SCAPER: variants seen among roughly 807,000 people sequenced by gnomAD.
The protein encoded by SCAPER is S-phase cyclin A associated protein in the ER, also known as S phase cyclin A-associated protein in the endoplasmic reticulum.
In SCAPER, 98 loss-of-function variants were observed where a neutral mutation model predicts 182.2. That is an observed-to-expected ratio of 0.54 (90% CI 0.46 to 0.64). The LOEUF is 0.64. Among genes scored for constraint, SCAPER ranks in the 30% least tolerant of loss-of-function variants. SCAPER has a pLI of 0.00. For missense variants in SCAPER, 1,432 were observed against 1,690.0 expected (o/e 0.85, Z 2.68); for synonymous variants, 605 against 564.6 (o/e 1.07, Z -1.01).
At chr15:76,374,670 G>A (rs1414931204) in intron 29 of SCAPER, among the ~76,000 whole-genome samples, 1 of 151,520 alleles carries the variant, frequency 6.6e-6, no homozygotes, top group Admixed American at 6.6e-5. Context: ...TAGTAGAGAC[G>A]GGGTTTCTTC....
chr15:76,724,376 A>T (rs2060460945), intron 17 of SCAPER, among the ~76,000 whole-genome samples: 1 of 151,996 alleles, frequency 6.6e-6, no homozygotes, highest in Admixed American at 6.6e-5. Flanking sequence ...CTTCATTTCA[A>T]CTTCGGTGAA....
chr15:76,486,260 C>A (rs1237214537), intron 24 of SCAPER, among the ~76,000 whole-genome samples: 1 of 151,980 alleles, frequency 6.6e-6, no homozygotes, highest in African/African-American at 2.4e-5. Flanking sequence ...CTATAAAGAA[C>A]TCTGGAAGAC....
At chr15:76,812,673 T>C (rs990793012) in intron 5 of SCAPER, among the ~76,000 whole-genome samples, 5 of 152,090 alleles carry the variant, frequency 3.3e-5, no homozygotes, top group South Asian at 4.1e-4. Context: ...TGAACAATTA[T>C]ATACCAATAC....
intron 17 of SCAPER, among the ~76,000 whole-genome samples, chr15:76,727,889 A>C (rs1339131715): frequency 6.6e-6 from 1 of 152,080 alleles, no homozygotes; most frequent in Non-Finnish European, 1.5e-5. Context: ...ATGAACAAAA[A>C]TTTGAATAGG....
intron 8 of SCAPER, among the ~76,000 whole-genome samples, chr15:76,786,318 C>T (rs1450855017): frequency 9.2e-6 from 1 of 108,202 alleles, no homozygotes; most frequent in African/African-American, 3.2e-5. Context: ...CAGGGCAAGA[C>T]TCTGTCTCAA....
At chr15:76,780,245 G>A (rs1030372771) in intron 8 of SCAPER, among the ~76,000 whole-genome samples, 10 of 152,260 alleles carry the variant, frequency 6.6e-5, no homozygotes, top group Non-Finnish European at 1.5e-4. Flanking sequence ...TGGCTCAGCA[G>A]GTCTCACGCC....
chr15:76,731,048 G>A (rs900910671), intron 16 of SCAPER, among the ~76,000 whole-genome samples: 5 of 152,104 alleles, frequency 3.3e-5, no homozygotes, highest in African/African-American at 7.2e-5. Flanking sequence ...TTAAATTCCC[G>A]AAAGACAGGA....
At chr15:76,650,891 G>A (rs1357782959) in intron 21 of SCAPER, among the ~76,000 whole-genome samples, 1 of 151,848 alleles carries the variant, frequency 6.6e-6, no homozygotes, top group African/African-American at 2.4e-5. Flanking sequence ...TCAAATGTTT[G>A]GAAATTCAAC....
chr15:76,710,531 T>A (rs1253151493), intron 17 of SCAPER, among the ~76,000 whole-genome samples: 3 of 152,076 alleles, frequency 2.0e-5, no homozygotes, highest in Non-Finnish European at 4.4e-5. Context: ...AACAATTCCA[T>A]TTACAGCAGC....
intron 21 of SCAPER, among the ~76,000 whole-genome samples, chr15:76,632,445 G>C (rs1333049841): frequency 2.0e-5 from 3 of 151,966 alleles, no homozygotes; most frequent in East Asian, 3.9e-4. Flanking sequence ...CACCCACCTC[G>C]GTCTCCCAAA....
rs569769271 is a variant in SCAPER at position 76,699,773 on chromosome 15, T to C, written c.2508+1985A>G. On this transcript the variant is annotated intron_variant, in intron 20 of 31. Transcript: ENST00000563290. Reference sequence around the variant, plus strand: ...CGCTGGCAAAATCACTTCATCAACATGGTGGTATCAGGTTCAAGTGCACAG... The same window carrying C: ...CGCTGGCAAAATCACTTCATCAACACGGTGGTATCAGGTTCAAGTGCACAG... Among the ~76,000 whole-genome samples, 17 of 152,304 alleles carry C rather than the reference T, an allele frequency of 1.1e-4. No homozygotes were observed. The East Asian group carries it at 3.1e-3, about 28-fold the overall frequency.
intron 23 of SCAPER, among the ~76,000 whole-genome samples, chr15:76,565,744 A>T (rs968918616): frequency 3.9e-5 from 6 of 152,124 alleles, no homozygotes; most frequent in African/African-American, 1.4e-4. Flanking sequence ...ACCATTTATA[A>T]GTTAAATCTG....
chr15:76,776,809 G>T (rs2063772423), intron 8 of SCAPER, among the ~76,000 whole-genome samples: 4 of 152,098 alleles, frequency 2.6e-5, no homozygotes, highest in Non-Finnish European at 5.9e-5. Flanking sequence ...TGCTGCAAAG[G>T]TATCACAAGA....
intron 24 of SCAPER, among the ~76,000 whole-genome samples, chr15:76,490,263 AGT>A (rs984116580): frequency 6.6e-6 from 1 of 152,192 alleles, no homozygotes; most frequent in African/African-American, 2.4e-5. Flanking sequence ...TCCAACGAAG[AGT>A]GTACAAGGGT....
At chr15:76,791,726 T>A (rs1289414644) in intron 8 of SCAPER, among the ~76,000 whole-genome samples, 1 of 151,916 alleles carries the variant, frequency 6.6e-6, no homozygotes, top group Non-Finnish European at 1.5e-5. Flanking sequence ...GAGAAGCTAA[T>A]GAGCTAAGCT....
intron 20 of SCAPER, among the ~76,000 whole-genome samples, chr15:76,699,304 A>G (rs1215243144): frequency 2.6e-5 from 4 of 152,104 alleles, no homozygotes; most frequent in African/African-American, 7.2e-5. Flanking sequence ...ACTATGTTGA[A>G]TAGGAGTGGC....
intron 29 of SCAPER, among the ~76,000 whole-genome samples, chr15:76,362,415 C>CT (rs539666470): frequency 2.7e-3 from 393 of 143,386 alleles, no homozygotes; most frequent in African/African-American, 4.4e-3. Flanking sequence ...CTTGCTCCCT[C>CT]TTTTTTTTTT....
chr15:76,363,702 C>T lies in SCAPER; in HGVS notation c.3856-9562G>A, dbSNP rs75185533. On this transcript the variant is annotated intron_variant, in intron 29 of 31. Transcript: ENST00000563290. ...ACAGGGGCAAAAATAGGTGTCTAGACATCTAAATTCATTAAAAAAGACAGC... is the reference window on the plus strand; with the variant it reads ...ACAGGGGCAAAAATAGGTGTCTAGATATCTAAATTCATTAAAAAAGACAGC... 4.0e-4 allele frequency among the ~76,000 whole-genome samples: 61 copies of T among 152,256 alleles called. No individual in the cohort carries two copies. In the East Asian group the frequency reaches 9.1e-3, roughly 23 times the overall value.
intron 21 of SCAPER, among the ~76,000 whole-genome samples, chr15:76,633,275 A>G (rs2053300593): frequency 6.6e-6 from 1 of 152,176 alleles, no homozygotes; most frequent in South Asian, 2.1e-4. Flanking sequence ...CTGCCGAACA[A>G]CAAAGATGGC....
Sources: allele counts gnomAD v4.1 joint callset (sites outside exome capture counted in the v4.1 genomes callset), GRCh38; gene constraint gnomAD v4.1.1; transcripts MANE v1.5; gene names NCBI Gene and HGNC (gene_info 2026-07-23, HGNC 2026-07-21).